EBF4: variants seen among roughly 807,000 people sequenced by gnomAD.
EBF4 encodes the protein transcription factor COE4.
In EBF4, 34 loss-of-function variants were observed where a neutral mutation model predicts 67.1. The ratio of observed to expected loss-of-function variants is 0.51; its 90% CI spans 0.39 to 0.67. EBF4 has a LOEUF of 0.67. EBF4 is among the 30% of genes least tolerant of loss of function. The probability of loss-of-function intolerance (pLI) is 0.00; values close to 1 mark genes in which losing one functional copy is unlikely to be tolerated. For missense variants in EBF4, 837 were observed against 873.3 expected (o/e 0.96, Z 0.52); for synonymous variants, 387 against 377.7 (o/e 1.02, Z -0.29).
chr20:2,726,968 T>A (rs1164552901), intron 6 of EBF4, among the ~76,000 whole-genome samples: 2 of 152,152 alleles, frequency 1.3e-5, no homozygotes, highest in Non-Finnish European at 2.9e-5. Flanking sequence ...GCTGCCATCC[T>A]ACCCTCTGTT....
At position 2,737,078 on chromosome 20, in the gene EBF4, T is replaced by C. The variant is rs368024024; in HGVS notation, c.558-11471T>C. Among the ~76,000 whole-genome samples, 69 of 151,240 alleles carry C rather than the reference T, an allele frequency of 4.6e-4. 2 individuals carry two copies. In the East Asian group the frequency reaches 6.5e-3, roughly 14 times the overall value. The stretch of plus-strand genomic sequence containing the variant: ...TCCTGGCTAACACGGTGAAACCCCG[T>C]CTCTACTAAAAATACCAAAAAATTA... On this transcript the variant is annotated intron_variant, in intron 6 of 16. Transcript: ENST00000609451.
chr20:2,752,596 G>C (rs1216122634), intron 14 of EBF4, 51 bp downstream of exon 14: 31 of 1,209,734 alleles, frequency 2.6e-5, no homozygotes, highest in Non-Finnish European at 3.1e-5. Context: ...GAGCGGAACG[G>C]GACTCAGCCC....
In EBF4 at chr20:2,721,580, G is replaced by A. The variant is rs769849393; in HGVS notation, c.557+11938G>A. Among the ~76,000 whole-genome samples the A allele has an allele frequency of 2.0e-5, 3 of 151,996 alleles. No homozygotes were observed. In the East Asian group the frequency reaches 5.8e-4, roughly 29 times the overall value. ...AGTGATTCTTCTGCCTCAGCCTCCC[G>A]AGTAACTGGGTTTACAGGCAAGTGC... On this transcript the variant is annotated intron_variant, in intron 6 of 16. Transcript: ENST00000609451.
chr20:2,708,069 T>G, intron 5 of EBF4, 49 bp downstream of exon 5: 1 of 1,559,718 alleles, frequency 6.4e-7, no homozygotes, highest in African/African-American at 1.4e-5. Flanking sequence ...AAGGCGTTTC[T>G]GAGGACTCTA....
At chr20:2,737,168 T>G (rs758062652) in intron 6 of EBF4, among the ~76,000 whole-genome samples, 6 of 148,724 alleles carry the variant, frequency 4.0e-5, no homozygotes, top group Admixed American at 6.8e-5. Context: ...GAGAATGGCG[T>G]GAACCCGGGA....
chr20:2,715,770 A>G (rs2087600288), intron 6 of EBF4, among the ~76,000 whole-genome samples: 1 of 152,044 alleles, frequency 6.6e-6, no homozygotes, highest in Non-Finnish European at 1.5e-5. Context: ...TATTTTTGAG[A>G]CACAGTTGCA....
At chr20:2,732,485 T>G (rs937563098) in intron 6 of EBF4, among the ~76,000 whole-genome samples, 23 of 152,356 alleles carry the variant, frequency 1.5e-4, no homozygotes, top group African/African-American at 2.4e-4. Context: ...TTTATCATTA[T>G]AACATGTCCT....
intron 10 of EBF4, 73 bp downstream of exon 10, chr20:2,750,046 T>C: frequency 6.8e-7 from 1 of 1,478,002 alleles, no homozygotes; most frequent in Non-Finnish European, 9.0e-7. Flanking sequence ...TGGTCTCCGT[T>C]CTTGGTGATA....
rs576012003 is a variant in EBF4 at position 2,697,312 on chromosome 20, G to A, written c.137+3530G>A. Reference sequence around the variant, plus strand: ...TGTAATCCCAGCACTTTGGGAGGCCGAGGCAGGCAGATCACGAGGTCAGGA... The same window carrying A: ...TGTAATCCCAGCACTTTGGGAGGCCAAGGCAGGCAGATCACGAGGTCAGGA... On this transcript the variant is annotated intron_variant, in intron 1 of 16. Coordinates refer to ENST00000609451, the Ensembl canonical transcript of EBF4. Among the ~76,000 whole-genome samples, 3 of 152,230 alleles carry A rather than the reference G, an allele frequency of 2.0e-5. No individual in the cohort carries two copies. The East Asian group carries it at 5.8e-4, about 29-fold the overall frequency.
At position 2,711,103 on chromosome 20, in the gene EBF4, G is replaced by T. The variant is rs551556574; in HGVS notation, c.557+1461G>T. Among the ~76,000 whole-genome samples, 756 of 151,832 alleles carry T rather than the reference G, an allele frequency of 5.0e-3. 4 individuals are homozygous for T. The highest frequency in any genetic ancestry group is 7.4e-3 in the Non-Finnish European group (503 of 67,964). On this transcript the variant is annotated intron_variant, in intron 6 of 16. Coordinates refer to ENST00000609451, the Ensembl canonical transcript of EBF4. ...GTCTAGACTGCAGCGAGCTGTGATTGTGCCACTGCACTCCAGTCTGGGCAA... is the reference window on the plus strand; with the variant it reads ...GTCTAGACTGCAGCGAGCTGTGATTTTGCCACTGCACTCCAGTCTGGGCAA...
intron 14 of EBF4, 49 bp downstream of exon 14, chr20:2,752,594 C>T: frequency 8.2e-7 from 1 of 1,212,466 alleles, no homozygotes; most frequent in Non-Finnish European, 1.0e-6. Context: ...GGGAGCGGAA[C>T]GGGACTCAGC....
chr20:2,696,522 C>T lies in EBF4; in HGVS notation c.137+2740C>T, dbSNP rs1302633597. 1.3e-5 allele frequency among the ~76,000 whole-genome samples: 2 copies of T among 152,026 alleles called. No individual in the cohort carries two copies. Among genetic ancestry groups the T allele is most frequent in the Non-Finnish European group, 2.9e-5 (2 of 68,006 alleles). Reference sequence around the variant, plus strand: ...ATAAAATAAAATAAAGTGACCAACCCCCAAGCCCCACTGCTTCCTCATGGA... The same window carrying T: ...ATAAAATAAAATAAAGTGACCAACCTCCAAGCCCCACTGCTTCCTCATGGA... On this transcript the variant is annotated intron_variant, in intron 1 of 16. Transcript: ENST00000609451. This position sits in a 1 kb window ranked among gnomAD's most constrained non-coding sequence, Gnocchi z 4.7.
chr20:2,727,882 T>C (rs933810698), intron 6 of EBF4, among the ~76,000 whole-genome samples: 9 of 152,252 alleles, frequency 5.9e-5, no homozygotes, highest in Non-Finnish European at 1.3e-4. Flanking sequence ...TTGAGATCCG[T>C]TGCCTATTTT....
intron 15 of EBF4, 24 bp from the exon 16 acceptor site, chr20:2,758,885 C>A: frequency 6.4e-7 from 1 of 1,550,686 alleles, no homozygotes. Context: ...TGGCTTATGG[C>A]TCCTTTTTCC....
At chr20:2,758,822 C>A in intron 15 of EBF4, 87 bp from the exon 16 acceptor site, 2 of 1,201,340 alleles carry the variant, frequency 1.7e-6, no homozygotes, top group Non-Finnish European at 2.4e-6. Flanking sequence ...ATATCCCCTG[C>A]CTGCTGTCTC....
rs1300018563 is a variant in EBF4, at chr20:2,745,301, C to T, written c.558-3248C>T. Among the ~76,000 whole-genome samples the T allele has an allele frequency of 1.3e-5, 2 of 152,184 alleles. No homozygotes were observed. The highest frequency in any genetic ancestry group is 2.9e-5 in the Non-Finnish European group (2 of 68,028). ...CTGGAAGGGAGTGAGGTTTCAGCCA[C>T]ACCATGGATGGTTTCGACTATGTGC... On this transcript the variant is annotated intron_variant, in intron 6 of 16. Coordinates refer to ENST00000609451, the Ensembl canonical transcript of EBF4. The surrounding 1 kb of genome is among the most constrained non-coding windows in gnomAD (Gnocchi z 5.2).
Position 2,755,913 on chromosome 20 carries a change from A to T in EBF4, c.1738+89A>T, listed in dbSNP as rs146283583. On this transcript the variant is annotated intron_variant, in intron 15 of 16. Transcript: ENST00000609451. This position sits in a 1 kb window ranked among gnomAD's most constrained non-coding sequence, Gnocchi z 4.7. ...CAGGGGCCTGCTCTGTCCACATCTC[A>T]CCAGTGCCTCATGCTGGCTAACCTG... The T allele has an allele frequency of 0.017, 21,595 of 1,249,214 alleles. 235 individuals carry two copies. Among genetic ancestry groups the T allele is most frequent in the Middle Eastern group, 0.046 (176 of 3,842 alleles). The allele number at this position is 1,249,214 out of a possible 1,614,324, so 77.4% of individuals were successfully genotyped here. A position where few individuals can be genotyped will look rare whatever the true frequency, so the allele number is the denominator to read the frequency against.
chr20:2,694,053 G>A (rs1009695238), intron 1 of EBF4, among the ~76,000 whole-genome samples: 4 of 152,222 alleles, frequency 2.6e-5, no homozygotes, highest in Admixed American at 6.5e-5. Context: ...ACCCCAGCCG[G>A]GCTGTCTATG....
intron 1 of EBF4, among the ~76,000 whole-genome samples, chr20:2,703,947 C>T (rs8124688): frequency 0.08 from 12,232 of 152,060 alleles, 1,320 homozygotes; most frequent in African/African-American, 0.24. Flanking sequence ...TCAGGGCTGG[C>T]TATCGGCAGG....
Sources: allele counts gnomAD v4.1 joint callset (sites outside exome capture counted in the v4.1 genomes callset), GRCh38; gene constraint gnomAD v4.1.1; non-coding constraint Gnocchi (gnomAD v3.1); transcripts MANE v1.5; gene names NCBI Gene and HGNC (gene_info 2026-07-23, HGNC 2026-07-21).